Variants in TFIP11 observed in about 807,000 individuals in gnomAD.
TFIP11 encodes tuftelin interacting protein 11.
In TFIP11, 86 loss-of-function variants were observed where a neutral mutation model predicts 96.8. That is an observed-to-expected ratio of 0.89 (90% CI 0.75 to 1.06). The LOEUF (loss-of-function observed/expected upper bound fraction) is 1.06, where lower values mean the gene tolerates loss of function less well. Among genes scored for constraint, TFIP11 ranks in the 50% least tolerant of loss-of-function variants. TFIP11 has a pLI of 0.00. For missense variants in TFIP11, 881 were observed against 1,076.7 expected (o/e 0.82, Z 2.54); for synonymous variants, 405 against 395.2 (o/e 1.02, Z -0.29).
chr22:26,498,653 A>ATAC, intron 10 of TFIP11: 1 of 510,310 alleles, frequency 2.0e-6, no homozygotes, highest in Non-Finnish European at 3.5e-6. Flanking sequence ...ATGTAACCAA[A>ATAC]TACTACCTGT....
intron 4 of TFIP11, 149 bp downstream of exon 4, chr22:26,509,915 G>A: frequency 1.4e-6 from 1 of 720,566 alleles, no homozygotes; most frequent in East Asian, 2.7e-5. Flanking sequence ...GCCTAAAGAG[G>A]AAACCAGACC....
rs752027040 is a variant in TFIP11, at chr22:26,491,551, T to C, written c.*462A>G. 4 of 1,614,210 alleles carry C rather than the reference T, an allele frequency of 2.5e-6. No individual in the cohort carries two copies. Among genetic ancestry groups the C allele is most frequent in the Non-Finnish European group, 3.4e-6 (4 of 1,180,020 alleles). The stretch of plus-strand genomic sequence containing the variant: ...GATACCTCTGTCCACTGGTTCCCTG[T>C]GCAAAAGCTAGAACAGCTCTCCATA... On this transcript the variant is annotated 3_prime_UTR_variant, in exon 15 of 15. Coordinates refer to ENST00000407690, the MANE Select transcript of TFIP11 (RefSeq NM_012143.4).
intron 11 of TFIP11, 54 bp downstream of exon 11, chr22:26,496,666 TG>T (rs1180555756): frequency 9.4e-6 from 15 of 1,587,986 alleles, no homozygotes; most frequent in Non-Finnish European, 1.3e-5. Flanking sequence ...AGCCACAGAC[TG>T]AACAAGTCCC....
Position 26,499,178 on chromosome 22 carries a change from C to T in TFIP11, c.1255G>A (p.Asp419Asn), listed in dbSNP as rs754214870. 2.3e-5 allele frequency: 37 copies of T among 1,610,080 alleles called. No homozygotes were observed. Among genetic ancestry groups the T allele is most frequent in the Middle Eastern group, 1.6e-4 (1 of 6,074 alleles). Residue 419 changes from aspartate to asparagine, a missense_variant, in exon 9 of 15, where the codon GAC becomes AAC. Asp to Asn is a conservative substitution (Grantham distance 23). Transcript: ENST00000407690. ...ATGGCCACAGCAAGGTCCACACGGT[C>T]GGACATCCTGTACTCCTCATAGTAC... is the stretch of plus-strand genomic sequence containing the variant. ...DKYYEEYRMSDRVDLAVAIVY... is the reference protein window; with the variant it reads ...DKYYEEYRMSNRVDLAVAIVY...
At chr22:26,505,767 C>CTGAAGTGCAG in intron 6 of TFIP11, 1 of 20,428 alleles carries the variant, frequency 4.9e-5, no homozygotes. Flanking sequence ...GTTGCCCAGG[C>CTGAAGTGCAG]TGGAGTGATC....
chr22:26,497,246 C>G (rs1244907102), intron 10 of TFIP11, among the ~76,000 whole-genome samples: 1 of 152,196 alleles, frequency 6.6e-6, no homozygotes, highest in East Asian at 1.9e-4. Context: ...GTCACCTCCC[C>G]TAAGACCTCT....
At chr22:26,506,195 G>A in intron 6 of TFIP11, 108 bp downstream of exon 6, 1 of 1,248,838 alleles carries the variant, frequency 8.0e-7, no homozygotes, top group Non-Finnish European at 1.1e-6. Context: ...AACCAGGCTG[G>A]AGAGATAAAG....
chr22:26,493,769 C>G (rs1405410857), intron 14 of TFIP11: 3 of 217,772 alleles, frequency 1.4e-5, no homozygotes, highest in African/African-American at 6.9e-5. Flanking sequence ...AGTGTCAGAC[C>G]GCGTGCCAAA....
Position 26,507,982 on chromosome 22 carries a change from C to A in TFIP11, c.210-1054G>T, listed in dbSNP as rs567802780. Among the ~76,000 whole-genome samples, 9 of 152,300 alleles carry A rather than the reference C, an allele frequency of 5.9e-5. No individual in the cohort carries two copies. The East Asian group carries it at 9.7e-4, about 16-fold the overall frequency. On this transcript the variant is annotated intron_variant, in intron 4 of 14. Coordinates refer to ENST00000407690, the MANE Select transcript of TFIP11 (RefSeq NM_012143.4). ...ACTAGCTGAGTGTGGTGGCACACGC[C>A]TGTAATCCCACGCCACTCAGGAGGC...
In TFIP11 at chr22:26,492,116, A is replaced by G; in HGVS notation, c.2411T>C (p.Phe804Ser). Residue 804 changes from phenylalanine to serine, a missense_variant, in exon 15 of 15, where the codon TTT becomes TCT. Physicochemically the swap from Phe to Ser is radical, Grantham distance 155. Transcript: ENST00000407690. ...GTCGATGTAGATCACAATGCGGCCA[A>G]AGGTGTAGAGCTGCTTCCCTTCGTG... ...KRHEGKQLYT[F>S]GRIVIYIDRG... 1 of 1,614,178 alleles carries G rather than the reference A, an allele frequency of 6.2e-7. No individual in the cohort carries two copies. The highest frequency in any genetic ancestry group is 8.5e-7 in the Non-Finnish European group (1 of 1,180,012).
chr22:26,494,819 T>A lies in TFIP11; in HGVS notation c.1970A>T (p.His657Leu), dbSNP rs755467728. The A allele has an allele frequency of 2.0e-5, 32 of 1,613,896 alleles. No individual in the cohort carries two copies. The highest frequency in any genetic ancestry group is 2.6e-5 in the Non-Finnish European group (31 of 1,180,014). ...TACCTGAAGCCACTTGGGGAAGAAG[T>A]GCTTTTCAAGAAGTCCCACCAGGCT... is the stretch of plus-strand genomic sequence containing the variant. ...VSSLVGLLEK[H>L]FFPKWLQVLC... Residue 657 changes from histidine to leucine, a missense_variant, in exon 13 of 15, where the codon CAC becomes CTC. His to Leu is a moderately conservative substitution (Grantham distance 99). Coordinates refer to ENST00000407690, the MANE Select transcript of TFIP11 (RefSeq NM_012143.4).
At position 26,501,929 on chromosome 22, in the gene TFIP11, C is replaced by A. The variant is rs754408241; in HGVS notation, c.772G>T (p.Ala258Ser). 1.2e-6 allele frequency: 2 copies of A among 1,613,718 alleles called. No individual in the cohort carries two copies. The highest frequency in any genetic ancestry group is 1.7e-6 in the Non-Finnish European group (2 of 1,179,934). ...ACTTGAGAAAGTTCCTTCTGGGGAG[C>A]AGTGAGCTTCTTGCTAATCCTGCCC... ...AKGRISKKLT[A>S]PQKELSQVKV... Residue 258 changes from alanine (A) to serine (S), a missense_variant, in exon 8 of 15, where the codon GCT (alanine) becomes TCT (serine). Ala to Ser is a moderately conservative substitution (Grantham distance 99). Transcript: ENST00000407690.
chr22:26,492,141 G>A lies in TFIP11; in HGVS notation c.2386C>T (p.His796Tyr), dbSNP rs769013718. ...AAGGTGTAGAGCTGCTTCCCTTCGT[G>A]TCGCTTCCCAATGACGGGCATGAAG... is the stretch of plus-strand genomic sequence containing the variant. The part of the protein sequence containing the change: ...IVFMPVIGKR[H>Y]EGKQLYTFGR... Residue 796 changes from histidine (H) to tyrosine (Y), a missense_variant, in exon 15 of 15, where the codon CAC becomes TAC. Physicochemically the swap from His to Tyr is moderately conservative, Grantham distance 83. Transcript: ENST00000407690. 1.1e-5 allele frequency: 17 copies of A among 1,613,664 alleles called. No homozygotes were observed. Among genetic ancestry groups the A allele is most frequent in the Non-Finnish European group, 1.2e-5 (14 of 1,179,900 alleles).
Position 26,512,091 on chromosome 22 carries a change from T to C in TFIP11, c.-96+8A>G, listed in dbSNP as rs1392750352. 6.6e-6 allele frequency: 1 copy of C among 152,174 alleles called. No homozygotes were observed. The highest frequency in any genetic ancestry group is 1.5e-5 in the Non-Finnish European group (1 of 68,036). 9.4% of individuals were successfully genotyped at this position (152,174 alleles called of 1,614,324 possible). On this transcript the variant is annotated splice_region_variant and intron_variant, in intron 2 of 14. Coordinates refer to ENST00000407690, the MANE Select transcript of TFIP11 (RefSeq NM_012143.4). ...GAAAAAGGAGGTTCAGAGAAGTTAGTAACTTACCCTAGGTTCCACTGCTCA... is the reference window on the plus strand; with the variant it reads ...GAAAAAGGAGGTTCAGAGAAGTTAGCAACTTACCCTAGGTTCCACTGCTCA...
At chr22:26,504,407 C>CTTA (rs1209782907) in intron 6 of TFIP11, among the ~76,000 whole-genome samples, 3 of 152,164 alleles carry the variant, frequency 2.0e-5, no homozygotes, top group African/African-American at 7.2e-5. Flanking sequence ...CCACTGAAGT[C>CTTA]TTAAATAAGA....
chr22:26,503,108 AGCTGCCAGCAGATGGCTCCCT>A (rs1922986357), intron 7 of TFIP11, among the ~76,000 whole-genome samples: 1 of 152,220 alleles, frequency 6.6e-6, no homozygotes, highest in African/African-American at 2.4e-5. Flanking sequence ...AGGGACACAC[AGCTGCCAGCAGATGGCTCCCT>A]GCTGCACTTG....
At position 26,496,817 on chromosome 22, in the gene TFIP11, C is replaced by G; in HGVS notation, c.1509G>C (p.Pro503=). The change falls in exon 11 of 15, where the codon CCG becomes CCC. Residue 503 remains proline, a synonymous_variant. Coordinates refer to ENST00000407690, the MANE Select transcript of TFIP11 (RefSeq NM_012143.4). The part of the protein sequence containing the change: ...VTQWQPRNCD[P]MVDFLDSWVH... ...CCCAACTATCCAAAAAGTCCACCATCGGGTCACAGTTCCTTGGCTGCCACT... is the reference window on the plus strand; with the variant it reads ...CCCAACTATCCAAAAAGTCCACCATGGGGTCACAGTTCCTTGGCTGCCACT... 1 of 1,614,172 alleles carries G rather than the reference C, an allele frequency of 6.2e-7. No homozygotes were observed. Among genetic ancestry groups the G allele is most frequent in the African/African-American group, 1.3e-5 (1 of 75,040 alleles).
intron 4 of TFIP11, among the ~76,000 whole-genome samples, chr22:26,508,186 A>T (rs1361813039): frequency 6.6e-6 from 1 of 152,240 alleles, no homozygotes; most frequent in Non-Finnish European, 1.5e-5. Context: ...CAACACCCTC[A>T]GGGCAACAAC....
chr22:26,506,304 T>C lies in TFIP11; in HGVS notation c.519A>G (p.Gln173=). Residue 173 remains glutamine (Q), a splice_region_variant and synonymous_variant, in exon 6 of 15, where the codon CAA becomes CAG. Coordinates refer to ENST00000407690, the MANE Select transcript of TFIP11 (RefSeq NM_012143.4). ...TGCAAGACGACAAAGGTGCAATACC[T>C]TGTGCATTCTTCCCGAGGCCCCGTC... The part of the protein sequence containing the change: ...VPGRGLGKNA[Q]GIINPIEAKQ... 1 of 1,605,340 alleles carries C rather than the reference T, an allele frequency of 6.2e-7. No individual in the cohort carries two copies. Among genetic ancestry groups the C allele is most frequent in the Non-Finnish European group, 8.5e-7 (1 of 1,177,216 alleles).
Sources: gnomAD v4.1 joint callset for allele counts (sites outside exome capture counted in the v4.1 genomes callset) on GRCh38, gnomAD v4.1.1 for gene constraint, MANE v1.5 for transcripts, NCBI Gene and HGNC (gene_info 2026-07-23, HGNC 2026-07-21) for gene names.